The following KANSL1 variants were observed in gnomAD, a reference collection of about 807,000 sequenced individuals.
KANSL1 encodes MLL1/MLL complex subunit KANSL1.
In KANSL1, 22 loss-of-function variants were observed where a neutral mutation model predicts 103.6. The ratio of observed to expected loss-of-function variants is 0.21; its 90% CI spans 0.15 to 0.30. The LOEUF is 0.30. Among genes scored for constraint, KANSL1 ranks in the 10% least tolerant of loss-of-function variants. KANSL1 has a pLI of 1.00. For synonymous variants in KANSL1, 600 were observed against 527.6 expected (o/e 1.14, Z -1.88); for missense variants, 1,337 against 1,399.8 (o/e 0.96, Z 0.72).
chr17:46,125,895 C>T (rs1453344626), intron 2 of KANSL1, among the ~76,000 whole-genome samples: 2 of 152,126 alleles, frequency 1.3e-5, no homozygotes, highest in African/African-American at 2.4e-5. Flanking sequence ...CTTATTGAAA[C>T]CTGAAGGGCC....
intron 2 of KANSL1, among the ~76,000 whole-genome samples, chr17:46,164,063 C>T (rs937428845): frequency 6.6e-6 from 1 of 152,270 alleles, no homozygotes; most frequent in Non-Finnish European, 1.5e-5. Context: ...AAGTTCTTCA[C>T]TCCCTTCACT....
intron 4 of KANSL1, among the ~76,000 whole-genome samples, chr17:46,076,158 G>A (rs2078759329): frequency 6.6e-6 from 1 of 152,166 alleles, no homozygotes; most frequent in Non-Finnish European, 1.5e-5. Flanking sequence ...GGTAGTAGGA[G>A]GAGAGTGTGA....
At chr17:46,101,789 A>G (rs113536214) in intron 2 of KANSL1, among the ~76,000 whole-genome samples, 7,654 of 143,680 alleles carry the variant, frequency 0.053, 628 homozygotes, top group African/African-American at 0.17. Flanking sequence ...AGAAATAACA[A>G]TTTAGTCATT....
intron 2 of KANSL1, among the ~76,000 whole-genome samples, chr17:46,143,507 A>C (rs1469486287): frequency 2.0e-5 from 3 of 151,422 alleles, no homozygotes; most frequent in Non-Finnish European, 4.4e-5. Flanking sequence ...AAAATAAATA[A>C]ATAAATAAAT....
At chr17:46,162,539 A>C (rs2045795488) in intron 2 of KANSL1, among the ~76,000 whole-genome samples, 1 of 152,234 alleles carries the variant, frequency 6.6e-6, no homozygotes, top group Non-Finnish European at 1.5e-5. Context: ...CCAAACAAAA[A>C]TCTGGGAATC....
Position 46,192,957 on chromosome 17 carries a change from CCGCTCTCCTCCCCCCGA to C in KANSL1, c.-241_-225del, listed in dbSNP as rs1284938455. The C allele has an allele frequency of 1.3e-5, 2 of 151,424 alleles. No individual in the cohort carries two copies. Among genetic ancestry groups the C allele is most frequent in the Non-Finnish European group, 2.9e-5 (2 of 67,896 alleles). The allele number at this position is 151,424 out of a possible 1,614,324, so 9.4% of individuals were successfully genotyped here. ...CGACGGCGGCTCCGGCCCGGGCCCG[CCGCTCTCCTCCCCCCGA>C]CGCCCGGAGCCGCCCTGACTTTCCG... is the stretch of plus-strand genomic sequence containing the variant. On this transcript the variant is annotated 5_prime_UTR_variant, in exon 1 of 15. Transcript: ENST00000432791.
At chr17:46,132,379 A>G (rs1482917840) in intron 2 of KANSL1, among the ~76,000 whole-genome samples, 1 of 152,250 alleles carries the variant, frequency 6.6e-6, no homozygotes, top group African/African-American at 2.4e-5. Context: ...ACTGCCTATT[A>G]TCATTACTGT....
At chr17:46,085,480 T>G (rs1214510989) in intron 3 of KANSL1, among the ~76,000 whole-genome samples, 1 of 152,186 alleles carries the variant, frequency 6.6e-6, no homozygotes, top group Non-Finnish European at 1.5e-5. Context: ...TTTATTTCAC[T>G]TATTATTGCC....
chr17:46,098,745 A>T (rs1209953427), intron 2 of KANSL1, among the ~76,000 whole-genome samples: 3 of 152,260 alleles, frequency 2.0e-5, no homozygotes, highest in African/African-American at 7.2e-5. Flanking sequence ...TAGAACTCGA[A>T]GTGATTTCCA....
intron 2 of KANSL1, among the ~76,000 whole-genome samples, chr17:46,157,276 CT>C (rs1450366345): frequency 2.0e-5 from 3 of 152,214 alleles, no homozygotes; most frequent in Non-Finnish European, 4.4e-5. Flanking sequence ...AGCTATTGCT[CT>C]TGGAAGGCCA....
rs2532270 is a variant in KANSL1 at position 46,172,434 on chromosome 17, G to A, written c.-89-202C>T. Among the ~76,000 whole-genome samples the A allele has an allele frequency of 0.14, 21,954 of 152,024 alleles. 2,136 individuals carry two copies. The highest frequency in any genetic ancestry group is 0.22 in the Middle Eastern group (64 of 292). Reference sequence around the variant, plus strand: ...GGGGGAGGCAAAATCCCTGCACAAGGGAAGGAAGAATTGCACCCTTCTTGT... The same window carrying A: ...GGGGGAGGCAAAATCCCTGCACAAGAGAAGGAAGAATTGCACCCTTCTTGT... On this transcript the variant is annotated intron_variant, in intron 1 of 14. Transcript: ENST00000432791.
intron 1 of KANSL1, chr17:46,222,055 C>T (rs1042254791): frequency 1.4e-5 from 2 of 146,474 alleles, no homozygotes; most frequent in Middle Eastern, 3.6e-3. Context: ...AATTGGTTTA[C>T]ACTTAGAAGA....
intron 7 of KANSL1, chr17:46,042,762 G>A (rs1328826138): frequency 6.9e-6 from 1 of 145,844 alleles, no homozygotes; most frequent in African/African-American, 2.6e-5. Flanking sequence ...GGCCTTCCAG[G>A]ACTGGAATAA....
chr17:46,084,697 TAAA>T (rs67108405), intron 3 of KANSL1, among the ~76,000 whole-genome samples: 1,834 of 74,542 alleles, frequency 0.025, 43 homozygotes, highest in African/African-American at 0.091. Context: ...TTTTAAAAAT[TAAA>T]AAAAAAAAAA....
At chr17:46,066,072 G>C (rs984515460) in intron 6 of KANSL1, among the ~76,000 whole-genome samples, 1 of 152,112 alleles carries the variant, frequency 6.6e-6, no homozygotes, top group South Asian at 2.1e-4. Context: ...TTTCCAGGCT[G>C]GTATTCAATT....
At chr17:46,096,307 T>TTGTCTTTCTTTC (rs2042064392) in intron 2 of KANSL1, among the ~76,000 whole-genome samples, 1 of 124,704 alleles carries the variant, frequency 8.0e-6, no homozygotes, top group Non-Finnish European at 1.6e-5. Context: ...CCTGGCTTTT[T>TTGTCTTTCTTTC]TTTCTTTTTT....
In KANSL1 at chr17:46,111,510, G is replaced by A. The variant is rs1000733589; in HGVS notation, c.1290-16809C>T. Among the ~76,000 whole-genome samples the A allele has an allele frequency of 5.9e-5, 9 of 152,132 alleles. No homozygotes were observed. In the East Asian group the frequency reaches 1.7e-3, roughly 29 times the overall value. On this transcript the variant is annotated intron_variant, in intron 2 of 14. Transcript: ENST00000432791. ...CAGGCATGATCCACCGTGCCCAACC[G>A]AAAGAGAATATTAAGGAAGACTCTG... is the stretch of plus-strand genomic sequence containing the variant.
intron 1 of KANSL1, among the ~76,000 whole-genome samples, chr17:46,220,021 T>C (rs56078347): frequency 0.21 from 30,248 of 142,958 alleles, no homozygotes; most frequent in African/African-American, 0.38. Flanking sequence ...GAGAATGACA[T>C]GAACCCAGGA....
At chr17:46,114,658 A>T (rs1007673601) in intron 2 of KANSL1, among the ~76,000 whole-genome samples, 1 of 152,130 alleles carries the variant, frequency 6.6e-6, no homozygotes, top group Non-Finnish European at 1.5e-5. Context: ...AGACATATAC[A>T]CTCTTGATAG....
Sources: gnomAD v4.1 joint callset for allele counts (sites outside exome capture counted in the v4.1 genomes callset) on GRCh38, gnomAD v4.1.1 for gene constraint, MANE v1.5 for transcripts, NCBI Gene and HGNC (gene_info 2026-07-23, HGNC 2026-07-21) for gene names.